Variants in ATG14 observed in about 807,000 individuals in gnomAD.
ATG14 encodes autophagy related 14.
In ATG14, 35 loss-of-function variants were observed where a neutral mutation model predicts 60.4. The ratio of observed to expected loss-of-function variants is 0.58; its 90% CI spans 0.44 to 0.77. ATG14 has a LOEUF of 0.77. Ranked by LOEUF, ATG14 falls within the 30% of genes least tolerant of loss-of-function variation. ATG14 has a pLI of 0.00. For synonymous variants in ATG14, 234 were observed against 228.8 expected (o/e 1.02, Z -0.21); for missense variants, 647 against 626.3 (o/e 1.03, Z -0.35).
chr14:55,401,264 GT>G (rs5808813), intron 1 of ATG14, among the ~76,000 whole-genome samples: 53 of 148,654 alleles, frequency 3.6e-4, no homozygotes, highest in East Asian at 5.9e-4. Flanking sequence ...ATTTTTTATA[GT>G]TTTTTTTTTC....
chr14:55,394,168 AGC>A (rs1443407979), intron 3 of ATG14, among the ~76,000 whole-genome samples: 2,884 of 151,920 alleles, frequency 0.019, 87 homozygotes, highest in African/African-American at 0.062. Context: ...CACCATGCCC[AGC>A]TAATTTTTCT....
intron 9 of ATG14, among the ~76,000 whole-genome samples, chr14:55,376,549 T>C (rs1036549939): frequency 6.6e-6 from 1 of 152,064 alleles, no homozygotes; most frequent in African/African-American, 2.4e-5. Flanking sequence ...CCTGGAAATG[T>C]TAACTATCTG....
chr14:55,380,875 A>ATATATATATT (rs377330757), intron 6 of ATG14, among the ~76,000 whole-genome samples, 185 bp from the exon 7 acceptor site: 166 of 112,696 alleles, frequency 1.5e-3, no homozygotes, highest in African/African-American at 3.6e-3. Context: ...ATATATATAT[A>ATATATATATT]TTTTTTTTTT....
In ATG14 at chr14:55,380,453, G is replaced by A. The variant is rs1197318940; in HGVS notation, c.995+120C>T. 5 of 657,820 alleles carry A rather than the reference G, an allele frequency of 7.6e-6. No individual in the cohort carries two copies. The East Asian group carries it at 8.3e-5, about 11-fold the overall frequency. 40.7% of individuals were successfully genotyped at this position (657,820 alleles called of 1,614,324 possible). A position where few individuals can be genotyped will look rare whatever the true frequency, so the allele number is the denominator to read the frequency against. ...GAAATTAATCTCAATATTTCAATCC[G>A]ACCTTCTCTGTCTTGGTAATACTTA... On this transcript the variant is annotated intron_variant, in intron 7 of 9. Transcript: ENST00000247178.
chr14:55,398,597 T>C (rs1344579768), intron 1 of ATG14, among the ~76,000 whole-genome samples: 1 of 151,866 alleles, frequency 6.6e-6, no homozygotes, highest in East Asian at 1.9e-4. Context: ...TTATTGTTTC[T>C]AATTTAATTC....
chr14:55,385,727 A>AT (rs1223695009), intron 5 of ATG14, 132 bp downstream of exon 5: 1 of 859,156 alleles, frequency 1.2e-6, no homozygotes, highest in African/African-American at 1.7e-5. Flanking sequence ...GTTGAAACAG[A>AT]TAAGACTTAT....
At chr14:55,379,548 A>C (rs980516922) in intron 7 of ATG14, among the ~76,000 whole-genome samples, 1 of 152,176 alleles carries the variant, frequency 6.6e-6, no homozygotes, top group Non-Finnish European at 1.5e-5. Flanking sequence ...CTGTCTTAAG[A>C]AAAAGAAGAA....
intron 1 of ATG14, among the ~76,000 whole-genome samples, chr14:55,409,125 C>A (rs1023257087): frequency 3.3e-5 from 5 of 152,236 alleles, no homozygotes; most frequent in Middle Eastern, 6.8e-3. Flanking sequence ...AACTAAAACT[C>A]GGATAGATTC....
Position 55,382,095 on chromosome 14 carries a change from T to C in ATG14, c.744A>G (p.Gly248=), listed in dbSNP as rs1885045148. The C allele has an allele frequency of 6.2e-7, 1 of 1,614,014 alleles. No homozygotes were observed. The highest frequency in any genetic ancestry group is 1.1e-5 in the South Asian group (1 of 91,092). The change falls in exon 6 of 10, where the codon GGA becomes GGG. Residue 248 remains glycine (G), a synonymous_variant. Coordinates refer to ENST00000247178, the MANE Select transcript of ATG14 (RefSeq NM_014924.5). ...CGTTGTGATCGTCACAGACCCATCG[T>C]CCTGAGAGGTAAGTTGTCCTCCGGG... is the stretch of plus-strand genomic sequence containing the variant. ...AEARRTTYLS[G]RWVCDDHNGD... is the part of the protein sequence containing the mutation.
intron 9 of ATG14, among the ~76,000 whole-genome samples, chr14:55,377,118 G>A (rs894117084): frequency 8.5e-5 from 13 of 152,146 alleles, no homozygotes; most frequent in African/African-American, 2.9e-4. Context: ...AAGCCGAAGC[G>A]GGTGGATCAC....
rs942199259 is a variant in ATG14, at chr14:55,391,030, C to T, written c.328-38G>A. On this transcript the variant is annotated intron_variant, in intron 3 of 9. Transcript: ENST00000247178. ...TGTAATAAATATCACAAACGTTGGT[C>T]TCTTATGGTTAATATGATTATCTAC... The T allele has an allele frequency of 2.8e-6, 4 of 1,419,208 alleles. No homozygotes were observed. The African/African-American group carries it at 5.6e-5, about 20-fold the overall frequency. 87.9% of individuals were successfully genotyped at this position (1,419,208 alleles called of 1,614,324 possible). A position where few individuals can be genotyped will look rare whatever the true frequency, so the allele number is the denominator to read the frequency against.
Position 55,402,814 on chromosome 14 carries a change from C to T in ATG14, c.222-5380G>A, listed in dbSNP as rs561715210. 3.8e-3 allele frequency among the ~76,000 whole-genome samples: 504 copies of T among 133,054 alleles called. 4 individuals carry two copies. The highest frequency in any genetic ancestry group is 6.4e-3 in the Admixed American group (82 of 12,820). The allele number at this position is 133,054 out of a possible 152,430, so 87.3% of individuals were successfully genotyped here. A position where few individuals can be genotyped will look rare whatever the true frequency, so the allele number is the denominator to read the frequency against. ...GTGGCTCACACCTGTAATCTCAACA[C>T]TTTAGGGAGCCTGAGGCAGGAATAT... is the stretch of plus-strand genomic sequence containing the variant. On this transcript the variant is annotated intron_variant, in intron 1 of 9. Transcript: ENST00000247178.
chr14:55,387,515 T>C (rs188468294), intron 4 of ATG14, among the ~76,000 whole-genome samples: 17 of 152,318 alleles, frequency 1.1e-4, no homozygotes, highest in Non-Finnish European at 1.9e-4. Flanking sequence ...CGCATAGCTC[T>C]TGGTTCCTCA....
chr14:55,382,273 C>A, intron 5 of ATG14, 82 bp from the exon 6 acceptor site: 2 of 1,231,486 alleles, frequency 1.6e-6, no homozygotes, highest in East Asian at 2.4e-5. Context: ...CATGCTAGAA[C>A]ATCGAAAAGC....
chr14:55,375,195 T>C (rs1317515660), intron 9 of ATG14, among the ~76,000 whole-genome samples: 2 of 152,250 alleles, frequency 1.3e-5, no homozygotes, highest in Non-Finnish European at 2.9e-5. Context: ...TATAATCATT[T>C]TACATATATT....
rs543511259 is a variant in ATG14, at chr14:55,368,516, G to C, written c.*1103C>G. 6.6e-6 allele frequency: 1 copy of C among 152,378 alleles called. No individual in the cohort carries two copies. The highest frequency in any genetic ancestry group is 2.4e-5 in the African/African-American group (1 of 41,452). The allele number at this position is 152,378 out of a possible 1,614,324, so 9.4% of individuals were successfully genotyped here. ...ATTACAGGCGTGAGCCACTGCGCCT[G>C]GCTGGGAAATTCTTTCTTTATATTG... On this transcript the variant is annotated 3_prime_UTR_variant, in exon 10 of 10. Transcript: ENST00000247178.
chr14:55,399,411 T>C (rs1885364063), intron 1 of ATG14, among the ~76,000 whole-genome samples: 1 of 152,206 alleles, frequency 6.6e-6, no homozygotes, highest in Non-Finnish European at 1.5e-5. Flanking sequence ...CACTGTAATG[T>C]CCAGTAAGGT....
In ATG14 at chr14:55,369,540, TAAACAG is replaced by T; in HGVS notation, c.*73_*78del. 1 of 1,308,890 alleles carries T rather than the reference TAAACAG, an allele frequency of 7.6e-7. No homozygotes were observed. Among genetic ancestry groups the T allele is most frequent in the South Asian group, 2.0e-5 (1 of 49,378 alleles). The allele number at this position is 1,308,890 out of a possible 1,614,324, so 81.1% of individuals were successfully genotyped here. Reference sequence around the variant, plus strand: ...CTTTGTTCCAGACACTATCTTAACTTAAACAGAAAATGTTTACTAGAGTGTAGTGGG... The same window carrying T: ...CTTTGTTCCAGACACTATCTTAACTTAAAATGTTTACTAGAGTGTAGTGGG... On this transcript the variant is annotated 3_prime_UTR_variant, in exon 10 of 10. Coordinates refer to ENST00000247178, the MANE Select transcript of ATG14 (RefSeq NM_014924.5).
intron 7 of ATG14, 124 bp from the exon 8 acceptor site, chr14:55,378,198 C>G: frequency 1.4e-6 from 1 of 713,456 alleles, no homozygotes; most frequent in Non-Finnish European, 2.4e-6. Flanking sequence ...TAGTAAATTG[C>G]ACTTAAAGAC....
Sources: allele counts gnomAD v4.1 joint callset (sites outside exome capture counted in the v4.1 genomes callset), GRCh38; gene constraint gnomAD v4.1.1; transcripts MANE v1.5; gene names NCBI Gene and HGNC (gene_info 2026-07-23, HGNC 2026-07-21).